KCNQ3: variants seen among roughly 807,000 people sequenced by gnomAD.
KCNQ3 encodes the protein potassium voltage-gated channel subfamily Q member 3.
Under a neutral mutation model 92.5 loss-of-function variants are expected in KCNQ3, and 30 were observed. That is an observed-to-expected ratio of 0.32 (90% CI 0.24 to 0.44). KCNQ3 has a LOEUF of 0.44. Ranked by LOEUF, KCNQ3 falls within the 20% of genes least tolerant of loss-of-function variation. KCNQ3 has a pLI of 1.00. For synonymous variants in KCNQ3, 450 were observed against 468.8 expected, an observed-to-expected ratio of 0.96 and a Z score of 0.52; for missense variants, 913 against 1,140.3, an observed-to-expected ratio of 0.80 and a Z score of 2.87.
chr8:132,189,948 C>G (rs566909147), intron 1 of KCNQ3, among the ~76,000 whole-genome samples: 1 of 141,848 alleles, frequency 7.0e-6, no homozygotes, highest in African/African-American at 2.6e-5. Flanking sequence ...TAGCCATATG[C>G]TGAAGGATTT....
intron 9 of KCNQ3, among the ~76,000 whole-genome samples, chr8:132,154,200 T>TG (rs1825730516): frequency 2.9e-5 from 2 of 69,420 alleles, no homozygotes; most frequent in African/African-American, 1.7e-4. Context: ...AAAGTTTTTT[T>TG]TTTTTTTTTT....
chr8:132,407,346 G>A (rs1251132156), intron 1 of KCNQ3, among the ~76,000 whole-genome samples: 1 of 152,324 alleles, frequency 6.6e-6, no homozygotes, highest in South Asian at 2.1e-4. Context: ...TGGACAAGGA[G>A]AGCAGAATCC....
At chr8:132,145,631 G>T (rs1259034551) in intron 9 of KCNQ3, among the ~76,000 whole-genome samples, 2 of 152,316 alleles carry the variant, frequency 1.3e-5, no homozygotes, top group Non-Finnish European at 2.9e-5. Flanking sequence ...TGATAAAGTC[G>T]AGAAGACTTC....
chr8:132,222,924 C>T (rs1438716881), intron 1 of KCNQ3, among the ~76,000 whole-genome samples: 1 of 152,182 alleles, frequency 6.6e-6, no homozygotes, highest in South Asian at 2.1e-4. Context: ...TCAATGCCAG[C>T]TTGGATGTGA....
At chr8:132,226,950 C>G (rs1814440144) in intron 1 of KCNQ3, among the ~76,000 whole-genome samples, 1 of 151,810 alleles carries the variant, frequency 6.6e-6, no homozygotes, top group South Asian at 2.1e-4. Flanking sequence ...CTTCATTTTT[C>G]AGAAGGCAAA....
At chr8:132,250,007 T>C (rs1815346776) in intron 1 of KCNQ3, among the ~76,000 whole-genome samples, 1 of 152,216 alleles carries the variant, frequency 6.6e-6, no homozygotes, top group East Asian at 1.9e-4. Context: ...ACGAGTGCAC[T>C]GCACAGCCCC....
In KCNQ3 at chr8:132,140,875, G is replaced by A; in HGVS notation, c.1465+254C>T. On this transcript the variant is annotated intron_variant, in intron 10 of 14. Transcript: ENST00000388996. ...GGCGGGGGGTCGGGGCGGACCCTTA[G>A]AAACCAAGGTGACAGGTTTCCAGGC... 3 of 531,512 alleles carry A rather than the reference G, an allele frequency of 5.6e-6. No individual in the cohort carries two copies. The South Asian group carries it at 6.3e-5, about 11-fold the overall frequency. The allele number at this position is 531,512 out of a possible 1,614,324, so 32.9% of individuals were successfully genotyped here.
At chr8:132,215,071 C>A (rs1029528368) in intron 1 of KCNQ3, among the ~76,000 whole-genome samples, 2 of 152,224 alleles carry the variant, frequency 1.3e-5, no homozygotes, top group African/African-American at 4.8e-5. Context: ...ACCTGTCGTT[C>A]CCCCTGGCTG....
intron 1 of KCNQ3, among the ~76,000 whole-genome samples, chr8:132,424,260 C>T (rs1356747526): frequency 6.6e-6 from 1 of 152,090 alleles, no homozygotes; most frequent in Non-Finnish European, 1.5e-5. Context: ...GACGTGCCCC[C>T]CACCCCAGCC....
intron 1 of KCNQ3, among the ~76,000 whole-genome samples, chr8:132,216,965 T>G (rs186086025): frequency 6.6e-6 from 1 of 152,244 alleles, no homozygotes; most frequent in African/African-American, 2.4e-5. Context: ...ATTATATATA[T>G]TTACAATAAA....
chr8:132,338,727 T>C (rs1189144202), intron 1 of KCNQ3, among the ~76,000 whole-genome samples: 6 of 152,194 alleles, frequency 3.9e-5, no homozygotes, highest in Admixed American at 3.9e-4. Flanking sequence ...CCTTTCTTGC[T>C]GAGGGGATGC....
chr8:132,157,959 TC>T (rs772744595), intron 9 of KCNQ3, among the ~76,000 whole-genome samples: 23 of 152,288 alleles, frequency 1.5e-4, no homozygotes, highest in Non-Finnish European at 3.1e-4. Context: ...TCCTTTGACT[TC>T]TAGGTATATT....
intron 1 of KCNQ3, among the ~76,000 whole-genome samples, chr8:132,205,177 C>G (rs1185044591): frequency 6.6e-6 from 1 of 152,126 alleles, no homozygotes; most frequent in African/African-American, 2.4e-5. Context: ...GGTACTCACC[C>G]TCCAAAAAGA....
At chr8:132,198,078 A>G (rs946214438) in intron 1 of KCNQ3, among the ~76,000 whole-genome samples, 5 of 152,156 alleles carry the variant, frequency 3.3e-5, no homozygotes, top group African/African-American at 1.2e-4. Flanking sequence ...CAATTCTGTG[A>G]TTAGGTTACA....
intron 1 of KCNQ3, among the ~76,000 whole-genome samples, chr8:132,253,341 T>C (rs1272232071): frequency 2.6e-5 from 4 of 152,196 alleles, no homozygotes. Context: ...ACTGAGTCTA[T>C]AAAATGAGGG....
intron 1 of KCNQ3, among the ~76,000 whole-genome samples, chr8:132,348,269 G>A (rs1489875764): frequency 1.3e-5 from 2 of 152,136 alleles, no homozygotes; most frequent in African/African-American, 2.4e-5. Context: ...TTTGGAATCA[G>A]CACCTTCAGA....
At chr8:132,444,533 T>A (rs1177298763) in intron 1 of KCNQ3, among the ~76,000 whole-genome samples, 1 of 152,230 alleles carries the variant, frequency 6.6e-6, no homozygotes, top group African/African-American at 2.4e-5. Flanking sequence ...GAAAATCATG[T>A]AACTTTTCTG....
At chr8:132,313,804 T>C (rs370651966) in intron 1 of KCNQ3, among the ~76,000 whole-genome samples, 1 of 152,184 alleles carries the variant, frequency 6.6e-6, no homozygotes, top group Admixed American at 6.5e-5. Context: ...AAATATATCA[T>C]TGTTTTCAAT....
chr8:132,358,226 A>T (rs941678527), intron 1 of KCNQ3, among the ~76,000 whole-genome samples: 1 of 152,248 alleles, frequency 6.6e-6, no homozygotes, highest in Non-Finnish European at 1.5e-5. Context: ...CTTCCACTTT[A>T]GAATGAAGAA....
Sources: allele counts gnomAD v4.1 joint callset (sites outside exome capture counted in the v4.1 genomes callset), GRCh38; gene constraint gnomAD v4.1.1; transcripts MANE v1.5; gene names NCBI Gene and HGNC (gene_info 2026-07-23, HGNC 2026-07-21).